ST13: variants seen among roughly 807,000 people sequenced by gnomAD.
ST13 encodes the protein ST13 Hsp70 interacting protein, also known as hsc70-interacting protein.
A neutral mutation model predicts 56.7 loss-of-function variants in ST13; 23 were observed. That is an observed-to-expected ratio of 0.41 (90% CI 0.29 to 0.57). The LOEUF (loss-of-function observed/expected upper bound fraction) is 0.57. ST13 is among the 20% of genes least tolerant of loss of function. The pLI is 0.36. For synonymous variants in ST13, 132 were observed against 142.4 expected (o/e 0.93, Z 0.52); for missense variants, 369 against 459.9 (o/e 0.80, Z 1.81).
At chr22:40,845,855 G>C (rs2057828521) in intron 3 of ST13, among the ~76,000 whole-genome samples, 2 of 151,970 alleles carry the variant, frequency 1.3e-5, no homozygotes, top group South Asian at 4.1e-4. Context: ...TTACTGTCCA[G>C]CAACAACAAA....
At position 40,829,785 on chromosome 22, in the gene ST13, A is replaced by G. The variant is rs2057745635; in HGVS notation, c.799-111T>C. On this transcript the variant is annotated intron_variant, in intron 9 of 11. Coordinates refer to ENST00000216218, the MANE Select transcript of ST13 (RefSeq NM_003932.5). ...ATTGTAAAATAACCTAGTAGATGGC[A>G]ATACTGAACTGAAGGATATACTTCA... 4 of 478,000 alleles carry G rather than the reference A, an allele frequency of 8.4e-6. No individual in the cohort carries two copies. The East Asian group carries it at 1.4e-4, about 17-fold the overall frequency. The allele number at this position is 478,000 out of a possible 1,614,324, so 29.6% of individuals were successfully genotyped here. A position where few individuals can be genotyped will look rare whatever the true frequency, so the allele number is the denominator to read the frequency against.
At chr22:40,833,532 T>C (rs1602651617) in intron 7 of ST13, among the ~76,000 whole-genome samples, 2 of 139,380 alleles carry the variant, frequency 1.4e-5, no homozygotes, top group South Asian at 2.3e-4. Flanking sequence ...GCCACTGCAC[T>C]CTAGCCTGGG....
chr22:40,854,248 A>T (rs2057876787), intron 1 of ST13, among the ~76,000 whole-genome samples: 1 of 152,260 alleles, frequency 6.6e-6, no homozygotes, highest in Non-Finnish European at 1.5e-5. Context: ...TGATGAAGGC[A>T]GAGAGAGAAA....
intron 5 of ST13, among the ~76,000 whole-genome samples, chr22:40,837,128 A>G (rs2057781261): frequency 6.6e-6 from 1 of 152,250 alleles, no homozygotes; most frequent in Admixed American, 6.5e-5. Context: ...TTTTAAATAA[A>G]TGTCACAATT....
intron 1 of ST13, among the ~76,000 whole-genome samples, chr22:40,852,706 A>C (rs1321016443): frequency 6.6e-6 from 1 of 152,246 alleles, no homozygotes; most frequent in Non-Finnish European, 1.5e-5. Flanking sequence ...ATGATCCAAA[A>C]CATCCTAATC....
In ST13 at chr22:40,830,975, G is replaced by C. The variant is rs758482124; in HGVS notation, c.682-19C>G. On this transcript the variant is annotated intron_variant, in intron 8 of 11. Coordinates refer to ENST00000216218, the MANE Select transcript of ST13 (RefSeq NM_003932.5). ...TCTGTGCCTAGAAAAAAGAGCCATA[G>C]CAAAATAAGCTTGCTCCAAAAGCTG... 338 of 1,526,432 alleles carry C rather than the reference G, an allele frequency of 2.2e-4. No individual in the cohort carries two copies. The highest frequency in any genetic ancestry group is 1.0e-3 in the Admixed American group (62 of 59,064). The allele number at this position is 1,526,432 out of a possible 1,614,324, so 94.6% of individuals were successfully genotyped here.
chr22:40,843,254 G>T (rs969895019), intron 4 of ST13, among the ~76,000 whole-genome samples: 1 of 152,032 alleles, frequency 6.6e-6, no homozygotes, highest in Non-Finnish European at 1.5e-5. Context: ...ATCTTTTCCC[G>T]AACTTGATTT....
chr22:40,839,317 T>C (rs182365231), intron 5 of ST13, among the ~76,000 whole-genome samples: 1 of 152,298 alleles, frequency 6.6e-6, no homozygotes, highest in Non-Finnish European at 1.5e-5. Context: ...GAAGTCCAAA[T>C]GCACATGAGC....
intron 1 of ST13, 85 bp from the exon 2 acceptor site, chr22:40,850,965 T>C (rs2057858446): frequency 2.2e-6 from 2 of 913,728 alleles, no homozygotes; most frequent in Non-Finnish European, 1.7e-6. Flanking sequence ...AAAATAACGT[T>C]AGACATTTAG....
chr22:40,845,728 T>TAC (rs1359725904), intron 3 of ST13, among the ~76,000 whole-genome samples: 5 of 148,544 alleles, frequency 3.4e-5, no homozygotes, highest in African/African-American at 1.1e-4. Context: ...TTTATATATA[T>TAC]ATACACACAC....
At chr22:40,854,007 T>A (rs1327604284) in intron 1 of ST13, among the ~76,000 whole-genome samples, 2 of 152,252 alleles carry the variant, frequency 1.3e-5, no homozygotes, top group Non-Finnish European at 2.9e-5. Flanking sequence ...TTTCTCTTTG[T>A]GCAATTTAAA....
intron 7 of ST13, among the ~76,000 whole-genome samples, chr22:40,834,135 G>A (rs947386238): frequency 5.3e-5 from 8 of 151,890 alleles, no homozygotes; most frequent in African/African-American, 1.9e-4. Flanking sequence ...ACATTAGCTG[G>A]GCATGGTGGG....
At chr22:40,850,970 A>AT in intron 1 of ST13, 90 bp from the exon 2 acceptor site, 1 of 853,998 alleles carries the variant, frequency 1.2e-6, no homozygotes, top group South Asian at 1.8e-5. Flanking sequence ...AACGTTAGAC[A>AT]TTTAGATGAC....
intron 2 of ST13, among the ~76,000 whole-genome samples, chr22:40,848,958 T>A (rs1016275572): frequency 1.3e-5 from 2 of 152,204 alleles, no homozygotes; most frequent in Admixed American, 6.5e-5. Flanking sequence ...GTGCACGACA[T>A]ATAGAAAGCA....
In ST13 at chr22:40,832,651, T is replaced by G. The variant is rs778747782; in HGVS notation, c.599A>C (p.Glu200Ala). 5.0e-6 allele frequency: 8 copies of G among 1,600,936 alleles called. No individual in the cohort carries two copies. The highest frequency in any genetic ancestry group is 2.2e-5 in the South Asian group (2 of 91,022). Residue 200 changes from glutamate (E) to alanine (A), a missense_variant, in exon 8 of 12, where the codon GAA becomes GCA. Physicochemically the swap from Glu to Ala is moderately radical, Grantham distance 107. Coordinates refer to ENST00000216218, the MANE Select transcript of ST13 (RefSeq NM_003932.5). ...GGCAAGGGCAAGATCATGGGCTGCT[T>G]CTTCCCAGTGGCCTAGAAGTCTGAA... ...KAHRLLGHWE[E>A]AAHDLALACK...
intron 1 of ST13, among the ~76,000 whole-genome samples, chr22:40,854,137 T>G (rs929669656): frequency 6.6e-6 from 1 of 152,224 alleles, no homozygotes; most frequent in Non-Finnish European, 1.5e-5. Flanking sequence ...ACACATGTTT[T>G]CAACTTGAGT....
chr22:40,849,478 T>TC (rs2057850016), intron 2 of ST13, among the ~76,000 whole-genome samples: 1 of 69,802 alleles, frequency 1.4e-5, no homozygotes, highest in Admixed American at 2.0e-4. Flanking sequence ...AGACTCTGTC[T>TC]CAAAAAAAAA....
chr22:40,843,929 C>T (rs906539624), intron 4 of ST13, among the ~76,000 whole-genome samples: 1 of 149,862 alleles, frequency 6.7e-6, no homozygotes, highest in Non-Finnish European at 1.5e-5. Flanking sequence ...GTCGCTCAGG[C>T]TGGAGTGCAG....
At position 40,827,147 on chromosome 22, in the gene ST13, C is replaced by A. The variant is rs760323981; in HGVS notation, c.930G>T (p.Met310Ile). Residue 310 changes from methionine (M) to isoleucine (I), a missense_variant, in exon 11 of 12, where the codon ATG becomes ATT. By Grantham distance (10) the Met-to-Ile change is conservative (BLOSUM62 1). Coordinates refer to ENST00000216218, the MANE Select transcript of ST13 (RefSeq NM_003932.5). The part of the protein sequence containing the change: ...MGGGMPGMAG[M>I]PGLNEILSDP... ...CACTAAGAATTTCATTGAGTCCAGGCATTCCAGCCATTCCAGGCATGCCCC... is the reference window on the plus strand; with the variant it reads ...CACTAAGAATTTCATTGAGTCCAGGAATTCCAGCCATTCCAGGCATGCCCC... 1 of 1,612,298 alleles carries A rather than the reference C, an allele frequency of 6.2e-7. No individual in the cohort carries two copies.
Sources: allele counts gnomAD v4.1 joint callset (sites outside exome capture counted in the v4.1 genomes callset), GRCh38; gene constraint gnomAD v4.1.1; transcripts MANE v1.5; gene names NCBI Gene and HGNC (gene_info 2026-07-23, HGNC 2026-07-21).